Variants in TSN observed in about 807,000 individuals in gnomAD.
The protein encoded by TSN is translin.
Under a neutral mutation model 29.4 loss-of-function variants are expected in TSN, and 5 were observed. That is an observed-to-expected ratio of 0.17 (90% CI 0.09 to 0.36). The LOEUF (loss-of-function observed/expected upper bound fraction) is 0.36, where lower values mean the gene tolerates loss of function less well. TSN is among the 10% of genes least tolerant of loss of function. TSN has a pLI of 1.00. For synonymous variants in TSN, 106 were observed against 102.2 expected, an observed-to-expected ratio of 1.04 and a Z score of -0.23; for missense variants, 159 against 272.8, an observed-to-expected ratio of 0.58 and a Z score of 2.94.
At chr2:121,760,314 C>T (rs192284998) in intron 3 of TSN, among the ~76,000 whole-genome samples, 2 of 152,278 alleles carry the variant, frequency 1.3e-5, no homozygotes, top group Admixed American at 1.3e-4. Context: ...AAACCATCCG[C>T]CCCCCTTCTG....
At chr2:121,756,644 C>G (rs1389948468) in intron 1 of TSN, 1 of 1,296,982 alleles carries the variant, frequency 7.7e-7, no homozygotes, top group Non-Finnish European at 1.0e-6. Flanking sequence ...GCGCCTCATG[C>G]CTGTAATTCC....
At chr2:121,758,643 G>C (rs530474867) in intron 2 of TSN, 67 bp from the exon 3 acceptor site, 3 of 1,183,414 alleles carry the variant, frequency 2.5e-6, no homozygotes, top group Non-Finnish European at 3.5e-6. Context: ...AGATTACTTA[G>C]ATTATTAAGC....
At chr2:121,758,145 A>C (rs981770057) in intron 2 of TSN, among the ~76,000 whole-genome samples, 10 of 152,230 alleles carry the variant, frequency 6.6e-5, no homozygotes, top group African/African-American at 1.9e-4. Flanking sequence ...TAATGTGTTT[A>C]TAATCAGCCT....
chr2:121,757,573 T>G (rs1358653277), intron 2 of TSN: 1 of 681,822 alleles, frequency 1.5e-6, no homozygotes, highest in Non-Finnish European at 2.3e-6. Context: ...CTTAACCCAT[T>G]TCCTGTTTAG....
In TSN at chr2:121,765,560, A is replaced by G. The variant is rs968890908; in HGVS notation, c.*193A>G. 6 of 593,130 alleles carry G rather than the reference A, an allele frequency of 1.0e-5. No homozygotes were observed. The African/African-American group carries it at 1.1e-4, about 11-fold the overall frequency. 36.7% of individuals were successfully genotyped at this position (593,130 alleles called of 1,614,324 possible). A position where few individuals can be genotyped will look rare whatever the true frequency, so the allele number is the denominator to read the frequency against. On this transcript the variant is annotated 3_prime_UTR_variant, in exon 6 of 6. Coordinates refer to ENST00000389682, the MANE Select transcript of TSN (RefSeq NM_004622.3). Reference sequence around the variant, plus strand: ...AAAATATAGCCTTTACATGGACAGAATTTTTTTTGTTGTTTCAGTGAATAT... The same window carrying G: ...AAAATATAGCCTTTACATGGACAGAGTTTTTTTTGTTGTTTCAGTGAATAT...
chr2:121,760,902 G>A lies in TSN; in HGVS notation c.258-507G>A, dbSNP rs188482683. Among the ~76,000 whole-genome samples, 612 of 138,886 alleles carry A rather than the reference G, an allele frequency of 4.4e-3. 2 individuals are homozygous for A. The highest frequency in any genetic ancestry group is 0.017 in the African/African-American group (587 of 35,430). 91.1% of individuals were successfully genotyped at this position (138,886 alleles called of 152,430 possible). ...TTTTTTTTTTTTGAGACGGAGTGTC[G>A]CTCTGTCGTTCAGGGTGGAGTGCAG... is the stretch of plus-strand genomic sequence containing the variant. On this transcript the variant is annotated intron_variant, in intron 3 of 5. Transcript: ENST00000389682.
In TSN at chr2:121,761,543, G is replaced by A. The variant is rs2074828329; in HGVS notation, c.373+19G>A. On this transcript the variant is annotated intron_variant, in intron 4 of 5. Transcript: ENST00000389682. ...CTTGGCAGTAAGTGTCTTTATTAGT[G>A]GGATCTGCAGAATCAGGCATGGTTG... is the stretch of plus-strand genomic sequence containing the variant. 1 of 1,562,900 alleles carries A rather than the reference G, an allele frequency of 6.4e-7. No individual in the cohort carries two copies. The highest frequency in any genetic ancestry group is 1.7e-5 in the Admixed American group (1 of 59,926).
intron 3 of TSN, among the ~76,000 whole-genome samples, chr2:121,761,033 C>G (rs1477726222): frequency 1.3e-5 from 2 of 152,024 alleles, no homozygotes; most frequent in African/African-American, 4.8e-5. Context: ...CCACGCCTGG[C>G]TAATTTTTGT....
intron 5 of TSN, among the ~76,000 whole-genome samples, chr2:121,764,438 C>T (rs1431631376): frequency 6.6e-6 from 1 of 151,824 alleles, no homozygotes; most frequent in Non-Finnish European, 1.5e-5. Flanking sequence ...GACCCCTTCT[C>T]TATATTAAAA....
chr2:121,756,147 G>T, intron 1 of TSN: 1 of 469,916 alleles, frequency 2.1e-6, no homozygotes. Context: ...GCGAATGAGC[G>T]TTTCGTGTAT....
rs2074912644 is a variant in TSN at position 121,767,124 on chromosome 2, C to T, written c.*1757C>T. The T allele has an allele frequency of 6.6e-6, 1 of 152,118 alleles. No individual in the cohort carries two copies. The highest frequency in any genetic ancestry group is 1.5e-5 in the Non-Finnish European group (1 of 68,022). 9.4% of individuals were successfully genotyped at this position (152,118 alleles called of 1,614,324 possible). A position where few individuals can be genotyped will look rare whatever the true frequency, so the allele number is the denominator to read the frequency against. The stretch of plus-strand genomic sequence containing the variant: ...GATTCTGCTTGAGAATATTGAAGTA[C>T]TTGCCAGAAGTTGTGGATTTCAGTT... On this transcript the variant is annotated 3_prime_UTR_variant, in exon 6 of 6. Coordinates refer to ENST00000389682, the MANE Select transcript of TSN (RefSeq NM_004622.3).
At chr2:121,764,319 T>C (rs2074874396) in intron 5 of TSN, among the ~76,000 whole-genome samples, 1 of 152,224 alleles carries the variant, frequency 6.6e-6, no homozygotes, top group African/African-American at 2.4e-5. Context: ...ACCATACATG[T>C]TGGGGCCGGG....
chr2:121,766,028 C>T lies in TSN; in HGVS notation c.*661C>T, dbSNP rs2074896368. ...TTAGTAACATCATTTTGTTTTCCAC[C>T]AGGCAGGGAGTAGGGCTTAGTGTTT... On this transcript the variant is annotated 3_prime_UTR_variant, in exon 6 of 6. Coordinates refer to ENST00000389682, the MANE Select transcript of TSN (RefSeq NM_004622.3). The T allele has an allele frequency of 6.6e-6, 1 of 152,280 alleles. No homozygotes were observed. The highest frequency in any genetic ancestry group is 6.5e-5 in the Admixed American group (1 of 15,280). The allele number at this position is 152,280 out of a possible 1,614,324, so 9.4% of individuals were successfully genotyped here.
chr2:121,761,176 T>G (rs889782774), intron 3 of TSN, among the ~76,000 whole-genome samples: 3 of 152,198 alleles, frequency 2.0e-5, no homozygotes, highest in Non-Finnish European at 2.9e-5. Context: ...CGGCGTAAAT[T>G]TTCATACTCA....
chr2:121,760,796 C>T (rs760541997), intron 3 of TSN, among the ~76,000 whole-genome samples: 3 of 151,370 alleles, frequency 2.0e-5, no homozygotes, highest in Admixed American at 6.6e-5. Flanking sequence ...AGAGCAGTAT[C>T]ACTGTTCTTA....
intron 4 of TSN, 110 bp from the exon 5 acceptor site, chr2:121,762,894 TA>T: frequency 9.7e-7 from 1 of 1,026,646 alleles, no homozygotes; most frequent in South Asian, 1.8e-5. Context: ...AGCCAGTTTT[TA>T]AAAGATTCAT....
chr2:121,758,669 A>C, intron 2 of TSN, 41 bp from the exon 3 acceptor site: 1 of 1,460,618 alleles, frequency 6.8e-7, no homozygotes, highest in Non-Finnish European at 9.2e-7. Flanking sequence ...CTGTATTTGA[A>C]ATTTGGTTAA....
rs1450944345 is a variant in TSN, at chr2:121,765,974, T to G, written c.*607T>G. On this transcript the variant is annotated 3_prime_UTR_variant, in exon 6 of 6. Coordinates refer to ENST00000389682, the MANE Select transcript of TSN (RefSeq NM_004622.3). The stretch of plus-strand genomic sequence containing the variant: ...AACTGCGAAGTCAAGCTCAACAGAT[T>G]ATTTTGGAAAGTTTTTGTATTAAGG... 2 of 152,476 alleles carry G rather than the reference T, an allele frequency of 1.3e-5. No individual in the cohort carries two copies. The highest frequency in any genetic ancestry group is 2.9e-5 in the Non-Finnish European group (2 of 68,228). The allele number at this position is 152,476 out of a possible 1,614,324, so 9.4% of individuals were successfully genotyped here.
chr2:121,765,612 C>T lies in TSN; in HGVS notation c.*245C>T, dbSNP rs1220221096. On this transcript the variant is annotated 3_prime_UTR_variant, in exon 6 of 6. Coordinates refer to ENST00000389682, the MANE Select transcript of TSN (RefSeq NM_004622.3). ...CCTGTAATTCAGTGTATTTCAGTTCCGTCAGAAAGTGTAAATGTTAGTTTC... is the reference window on the plus strand; with the variant it reads ...CCTGTAATTCAGTGTATTTCAGTTCTGTCAGAAAGTGTAAATGTTAGTTTC... 1.9e-5 allele frequency: 10 copies of T among 517,834 alleles called. No homozygotes were observed. The highest frequency in any genetic ancestry group is 3.1e-5 in the Non-Finnish European group (9 of 291,202). 32.1% of individuals were successfully genotyped at this position (517,834 alleles called of 1,614,324 possible).
Sources: gnomAD v4.1 joint callset for allele counts (sites outside exome capture counted in the v4.1 genomes callset) on GRCh38, gnomAD v4.1.1 for gene constraint, MANE v1.5 for transcripts, NCBI Gene and HGNC (gene_info 2026-07-23, HGNC 2026-07-21) for gene names.